The following ZFP69B variants were observed in gnomAD, a reference collection of about 807,000 sequenced individuals.
ZFP69B encodes ZFP69 zinc finger protein B, also known as zinc finger protein 69 homolog B.
In ZFP69B, 20 loss-of-function variants were observed where a neutral mutation model predicts 19.7. The ratio of observed to expected loss-of-function variants is 1.02; its 90% CI spans 0.71 to 1.48. The LOEUF is 1.48. ZFP69B is among the 40% of genes most tolerant of loss of function. The pLI, the probability that ZFP69B is intolerant of heterozygous loss-of-function variation, is 0.00. For missense variants in ZFP69B, 583 were observed against 632.6 expected, an observed-to-expected ratio of 0.92 and a Z score of 0.84; for synonymous variants, 220 against 222.7, an observed-to-expected ratio of 0.99 and a Z score of 0.11.
At chr1:40,452,832 GA>G (rs1179077641) in intron 1 of ZFP69B, among the ~76,000 whole-genome samples, 1 of 152,094 alleles carries the variant, frequency 6.6e-6, no homozygotes, top group Non-Finnish European at 1.5e-5. Flanking sequence ...AAGTGCTTCA[GA>G]AAAAATGTAG....
chr1:40,462,520 G>A lies in ZFP69B; in HGVS notation c.536G>A (p.Gly179Glu). 1 of 1,614,112 alleles carries A rather than the reference G, an allele frequency of 6.2e-7. No homozygotes were observed. Among genetic ancestry groups the A allele is most frequent in the South Asian group, 1.1e-5 (1 of 91,060 alleles). The change falls in exon 5 of 5, where the codon GGA becomes GAA. Residue 179 changes from glycine to glutamate, a missense_variant. By Grantham distance (98) the Gly-to-Glu change is moderately conservative (BLOSUM62 -2). Coordinates refer to ENST00000361584, the MANE Select transcript of ZFP69B (RefSeq NM_023070.3). The stretch of plus-strand genomic sequence containing the variant: ...CTAATGATGGAAAGATTTACAAAAG[G>A]AAGCAGCATGTATTCCACCTTGGGA... ...CGLMMERFTK[G>E]SSMYSTLGRI... is the part of the protein sequence containing the mutation.
intron 2 of ZFP69B, among the ~76,000 whole-genome samples, chr1:40,456,316 G>A (rs560522771): frequency 6.6e-6 from 1 of 152,246 alleles, no homozygotes; most frequent in South Asian, 2.1e-4. Flanking sequence ...GCATGAGATC[G>A]TATCTCATCG....
chr1:40,450,405 G>T (rs1310010718), upstream of ZFP69B, among the ~76,000 whole-genome samples: 2 of 152,218 alleles, frequency 1.3e-5, no homozygotes, highest in East Asian at 3.8e-4. Flanking sequence ...CAGCCGACTA[G>T]TGAAAGAGCT....
Position 40,462,531 on chromosome 1 carries a change from T to C in ZFP69B, c.547T>C (p.Tyr183His). 6.2e-7 allele frequency: 1 copy of C among 1,614,162 alleles called. No individual in the cohort carries two copies. The highest frequency in any genetic ancestry group is 8.5e-7 in the Non-Finnish European group (1 of 1,180,020). ...MERFTKGSSM[Y>H]STLGRISKCN... ...AAGATTTACAAAAGGAAGCAGCATG[T>C]ATTCCACCTTGGGAAGAATCTCCAA... The change falls in exon 5 of 5, where the codon TAT (tyrosine) becomes CAT (histidine). Residue 183 changes from tyrosine to histidine, a missense_variant. Physicochemically the swap from Tyr to His is moderately conservative, Grantham distance 83 (BLOSUM62 2). Coordinates refer to ENST00000361584, the MANE Select transcript of ZFP69B (RefSeq NM_023070.3).
At position 40,463,356 on chromosome 1, in the gene ZFP69B, C is replaced by T. The variant is rs1307495812; in HGVS notation, c.1372C>T (p.Gln458Ter). 1 of 1,613,980 alleles carries T rather than the reference C, an allele frequency of 6.2e-7. No homozygotes were observed. Among genetic ancestry groups the T allele is most frequent in the Non-Finnish European group, 8.5e-7 (1 of 1,180,026 alleles). The change falls in exon 5 of 5, where the codon CAG becomes TAG. Residue 458 changes from glutamine (Q) to a stop codon, truncating the protein, a stop_gained. Transcript: ENST00000361584. LOFTEE classifies it low-confidence loss of function (END_TRUNC). Reference protein sequence around the residue: ...KCKECGKAFSQRIHLSIHQRV... With the variant: ...KCKECGKAFS ...TAAGGAATGTGGGAAAGCCTTTAGC[C>T]AGAGAATACATCTTTCTATCCATCA... is the stretch of plus-strand genomic sequence containing the variant.
chr1:40,454,339 G>A, intron 2 of ZFP69B, 51 bp downstream of exon 2: 1 of 1,318,894 alleles, frequency 7.6e-7, no homozygotes, highest in South Asian at 1.5e-5. Flanking sequence ...CAGATTTTAA[G>A]AGCGCAGGAG....
In ZFP69B at chr1:40,463,082, GGT is replaced by G; in HGVS notation, c.1099_1100del (p.Val367MetfsTer2). ...CCGGGGAAAAGCCCTATGAATGTAG[GGT>G]ATGTGAGAAAGCCTTCAGCCAGAGC... Reference protein sequence around the residue: ...HTGEKPYECRVCEKAFSQSIG... With the variant: ...HTGEKPYECRXCEKAFSQSIG... On this transcript the variant is annotated frameshift_variant, in exon 5 of 5. Coordinates refer to ENST00000361584, the MANE Select transcript of ZFP69B (RefSeq NM_023070.3). LOFTEE classifies it low-confidence loss of function (END_TRUNC). The G allele has an allele frequency of 3.7e-6, 6 of 1,614,134 alleles. No individual in the cohort carries two copies. Among genetic ancestry groups the G allele is most frequent in the Non-Finnish European group, 4.2e-6 (5 of 1,180,010 alleles).
intron 4 of ZFP69B, among the ~76,000 whole-genome samples, chr1:40,461,737 G>A (rs555481239): frequency 6.6e-6 from 1 of 152,268 alleles, no homozygotes; most frequent in South Asian, 2.1e-4. Context: ...TGAGGCTGCA[G>A]TGAGCCGTGA....
At chr1:40,455,082 A>T (rs192612403) in intron 2 of ZFP69B, among the ~76,000 whole-genome samples, 1 of 152,322 alleles carries the variant, frequency 6.6e-6, no homozygotes, top group Non-Finnish European at 1.5e-5. Context: ...TGTAACTGAA[A>T]AGAGAAATGA....
chr1:40,453,480 T>C (rs561137776), intron 1 of ZFP69B, among the ~76,000 whole-genome samples: 7 of 152,228 alleles, frequency 4.6e-5, no homozygotes, highest in African/African-American at 1.4e-4. Flanking sequence ...TTGGGAAGCA[T>C]AGGAGAGAAT....
intron 4 of ZFP69B, 24 bp from the exon 5 acceptor site, chr1:40,462,397 C>CA: frequency 5.9e-6 from 9 of 1,525,858 alleles, no homozygotes; most frequent in Non-Finnish European, 7.9e-6. Context: ...GAATATGGAT[C>CA]TTTTTTTTTA....
At chr1:40,459,918 A>T (rs1199889804) in intron 4 of ZFP69B, among the ~76,000 whole-genome samples, 1 of 152,204 alleles carries the variant, frequency 6.6e-6, no homozygotes, top group East Asian at 1.9e-4. Flanking sequence ...AAATGGATGG[A>T]TAGGAATAGT....
At chr1:40,451,527 A>G (rs775459240) in intron 1 of ZFP69B, among the ~76,000 whole-genome samples, 1 of 152,092 alleles carries the variant, frequency 6.6e-6, no homozygotes, top group Non-Finnish European at 1.5e-5. Context: ...ATGTGTCAAA[A>G]GAGGCCAGGT....
At chr1:40,455,527 G>T (rs1314009767) in intron 2 of ZFP69B, among the ~76,000 whole-genome samples, 1 of 152,120 alleles carries the variant, frequency 6.6e-6, no homozygotes, top group Non-Finnish European at 1.5e-5. Flanking sequence ...TATACTTAGG[G>T]GATTTGTTGT....
chr1:40,454,082 T>C, intron 1 of ZFP69B, 121 bp from the exon 2 acceptor site: 1 of 573,846 alleles, frequency 1.7e-6, no homozygotes, highest in Non-Finnish European at 2.8e-6. Flanking sequence ...CTTGAGTCCG[T>C]CTAAATGTCC....
chr1:40,455,382 T>G (rs894563580), intron 2 of ZFP69B, among the ~76,000 whole-genome samples: 2 of 152,342 alleles, frequency 1.3e-5, no homozygotes, highest in South Asian at 4.1e-4. Context: ...GTTTAAATCA[T>G]AGGGTTTAAT....
In ZFP69B at chr1:40,462,453, G is replaced by A. The variant is rs1305407898; in HGVS notation, c.469G>A (p.Ala157Thr). The A allele has an allele frequency of 1.2e-6, 2 of 1,608,786 alleles. No homozygotes were observed. Among genetic ancestry groups the A allele is most frequent in the Non-Finnish European group, 1.7e-6 (2 of 1,178,492 alleles). The part of the protein sequence containing the change: ...LKSKTKTKES[A>T]LQNDISWEEL... ...GAGCAAAACAAAAACCAAAGAGTCA[G>A]CCTTACAGAATGATATTTCGTGGGA... Residue 157 changes from alanine (A) to threonine (T), a missense_variant, in exon 5 of 5, where the codon GCC (alanine) becomes ACC (threonine). Physicochemically the swap from Ala to Thr is moderately conservative, Grantham distance 58 (BLOSUM62 0). Coordinates refer to ENST00000361584, the MANE Select transcript of ZFP69B (RefSeq NM_023070.3).
At chr1:40,461,146 A>C (rs1446408489) in intron 4 of ZFP69B, among the ~76,000 whole-genome samples, 1 of 126,642 alleles carries the variant, frequency 7.9e-6, no homozygotes, top group Non-Finnish European at 1.6e-5. Context: ...ACCCCATCAC[A>C]AAAAAAAAAA....
In ZFP69B at chr1:40,462,469, T is replaced by G. The variant is rs773804519; in HGVS notation, c.485T>G (p.Ile162Ser). The change falls in exon 5 of 5, where the codon ATT becomes AGT. Residue 162 changes from isoleucine to serine, a missense_variant. Ile to Ser is a moderately radical substitution (Grantham distance 142). Transcript: ENST00000361584. ...KTKESALQNDISWEELHCGLM... is the reference protein window; with the variant it reads ...KTKESALQNDSSWEELHCGLM... ...AAAGAGTCAGCCTTACAGAATGATA[T>G]TTCGTGGGAAGAACTACATTGTGGC... 6.4e-5 allele frequency: 103 copies of G among 1,611,452 alleles called. No individual in the cohort carries two copies. The highest frequency in any genetic ancestry group is 8.3e-5 in the Non-Finnish European group (98 of 1,179,398).
Sources: gnomAD v4.1 joint callset for allele counts (sites outside exome capture counted in the v4.1 genomes callset) on GRCh38, gnomAD v4.1.1 for gene constraint, MANE v1.5 for transcripts, NCBI Gene and HGNC (gene_info 2026-07-23, HGNC 2026-07-21) for gene names.